The following SWT1 variants were observed in gnomAD, a reference collection of about 807,000 sequenced individuals.
The protein encoded by SWT1 is SWT1 RNA endoribonuclease homolog, also known as transcriptional protein SWT1.
In SWT1, 33 loss-of-function variants were observed where a neutral mutation model predicts 107.3. The observed-to-expected ratio is 0.31, with a 90% CI of 0.23 to 0.41. The LOEUF (loss-of-function observed/expected upper bound fraction) is 0.41, where lower values mean the gene tolerates loss of function less well. Among genes scored for constraint, SWT1 ranks in the 10% least tolerant of loss-of-function variants. SWT1 has a pLI of 1.00. For synonymous variants in SWT1, 345 were observed against 348.3 expected, an observed-to-expected ratio of 0.99 and a Z score of 0.11; for missense variants, 898 against 1,028.9, an observed-to-expected ratio of 0.87 and a Z score of 1.74.
chr1:185,162,825 G>A (rs960968987), intron 2 of SWT1, among the ~76,000 whole-genome samples: 2 of 151,784 alleles, frequency 1.3e-5, no homozygotes, highest in African/African-American at 2.4e-5. Context: ...CTAAAAAAAT[G>A]TGCATATGTT....
At chr1:185,274,113 A>G (rs1485854254) in intron 17 of SWT1, among the ~76,000 whole-genome samples, 1 of 152,080 alleles carries the variant, frequency 6.6e-6, no homozygotes, top group African/African-American at 2.4e-5. Flanking sequence ...TATTAGAAGA[A>G]AGTACCTAAC....
At chr1:185,283,117 C>T (rs921540362) in intron 18 of SWT1, among the ~76,000 whole-genome samples, 2 of 152,140 alleles carry the variant, frequency 1.3e-5, no homozygotes, top group Non-Finnish European at 2.9e-5. Flanking sequence ...GGGTATGCCA[C>T]CCTCCTGGCA....
chr1:185,263,266 A>G (rs1571655475), intron 16 of SWT1: 1 of 151,926 alleles, frequency 6.6e-6, no homozygotes, highest in Non-Finnish European at 1.5e-5. Context: ...CCCCATAACA[A>G]CAGCCAATAC....
At chr1:185,162,362 GA>G (rs1399039884) in intron 2 of SWT1, among the ~76,000 whole-genome samples, 2 of 152,094 alleles carry the variant, frequency 1.3e-5, no homozygotes, top group Non-Finnish European at 2.9e-5. Flanking sequence ...CCTTCTCCTC[GA>G]AACACTTTCA....
intron 8 of SWT1, 54 bp downstream of exon 8, chr1:185,184,398 T>A: frequency 9.5e-7 from 1 of 1,052,888 alleles, no homozygotes; most frequent in Non-Finnish European, 1.4e-6. Context: ...GTTGATATTT[T>A]ATATTAACAA....
chr1:185,159,595 C>T (rs1653962686), intron 1 of SWT1, among the ~76,000 whole-genome samples: 3 of 152,102 alleles, frequency 2.0e-5, no homozygotes, highest in South Asian at 2.1e-4. Context: ...GTTTTTAATA[C>T]GGCACACTCA....
chr1:185,182,579 T>C (rs1656105868), intron 7 of SWT1, among the ~76,000 whole-genome samples: 1 of 148,648 alleles, frequency 6.7e-6, no homozygotes, highest in Admixed American at 6.8e-5. Context: ...GTGGGAGGAT[T>C]GCTTGAGCCT....
At chr1:185,192,445 GTCT>G (rs1657033565) in intron 10 of SWT1, among the ~76,000 whole-genome samples, 2 of 152,180 alleles carry the variant, frequency 1.3e-5, no homozygotes, top group South Asian at 4.2e-4. Flanking sequence ...GTCCTGTGTG[GTCT>G]TCTTTAATTT....
intron 14 of SWT1, among the ~76,000 whole-genome samples, chr1:185,216,015 A>G (rs1216570704): frequency 6.6e-6 from 1 of 152,168 alleles, no homozygotes; most frequent in Non-Finnish European, 1.5e-5. Context: ...TTGATTTTTC[A>G]TAGTCAGATA....
At position 185,174,888 on chromosome 1, in the gene SWT1, T is replaced by C; in HGVS notation, c.741T>C (p.Leu247=). ...PIKSRDTLQK[L]VEENVFNIDS... is the part of the protein sequence containing the mutation. The stretch of plus-strand genomic sequence containing the variant: ...AATCCCGTGACACCCTCCAGAAACT[T>C]GTAGAAGAAAATGTCTTCAACATAG... The change falls in exon 5 of 19, where the codon CTT becomes CTC. Residue 247 remains leucine, a synonymous_variant. Transcript: ENST00000367500. The C allele has an allele frequency of 6.2e-7, 1 of 1,614,050 alleles. No homozygotes were observed. Among genetic ancestry groups the C allele is most frequent in the Non-Finnish European group, 8.5e-7 (1 of 1,179,996 alleles).
At chr1:185,236,353 A>C (rs958958235) in intron 16 of SWT1, among the ~76,000 whole-genome samples, 1 of 152,230 alleles carries the variant, frequency 6.6e-6, no homozygotes, top group African/African-American at 2.4e-5. Context: ...ACAGCATGGT[A>C]CTGGTACCAA....
chr1:185,239,285 A>G (rs1457888032), intron 16 of SWT1, among the ~76,000 whole-genome samples: 1 of 152,102 alleles, frequency 6.6e-6, no homozygotes, highest in African/African-American at 2.4e-5. Context: ...AGTGTATGAA[A>G]TGATGTATGT....
intron 16 of SWT1, among the ~76,000 whole-genome samples, chr1:185,258,626 GA>G (rs1475930052): frequency 1.3e-5 from 2 of 152,024 alleles, no homozygotes; most frequent in Non-Finnish European, 2.9e-5. Context: ...TAAGTAGTTT[GA>G]AAATATAATT....
rs75305563 is a variant in SWT1, at chr1:185,274,749, T to G, written c.2509-1855T>G. Among the ~76,000 whole-genome samples, 844 of 152,346 alleles carry G rather than the reference T, an allele frequency of 5.5e-3. 35 individuals carry two copies. In the East Asian group the frequency reaches 0.093, roughly 17 times the overall value. On this transcript the variant is annotated intron_variant, in intron 17 of 18. Transcript: ENST00000367500. Reference sequence around the variant, plus strand: ...TAATGTTTGCTGACAGTGGCATGTTTTAGCTATTTTTTTCCCCTGGAAATT... The same window carrying G: ...TAATGTTTGCTGACAGTGGCATGTTGTAGCTATTTTTTTCCCCTGGAAATT...
intron 18 of SWT1, among the ~76,000 whole-genome samples, chr1:185,281,987 A>G (rs1369694713): frequency 6.6e-6 from 1 of 152,204 alleles, no homozygotes; most frequent in Non-Finnish European, 1.5e-5. Flanking sequence ...GGATAGAGGG[A>G]CTGATCTTGT....
At chr1:185,244,551 C>G (rs1291291523) in intron 16 of SWT1, among the ~76,000 whole-genome samples, 3 of 152,036 alleles carry the variant, frequency 2.0e-5, no homozygotes, top group African/African-American at 4.8e-5. Flanking sequence ...AGTGGAAGTG[C>G]TCTGGGTGAG....
At chr1:185,257,843 T>A (rs912033268) in intron 16 of SWT1, 1 of 152,380 alleles carries the variant, frequency 6.6e-6, no homozygotes. Flanking sequence ...TGGTATATTG[T>A]ATTTGGACTA....
chr1:185,266,281 G>C (rs538198708), intron 16 of SWT1, among the ~76,000 whole-genome samples: 1 of 152,120 alleles, frequency 6.6e-6, no homozygotes, highest in South Asian at 2.1e-4. Flanking sequence ...AGCCAGGATG[G>C]TCTCGATCTC....
At chr1:185,218,980 A>G (rs764079212) in intron 14 of SWT1, among the ~76,000 whole-genome samples, 41 of 152,226 alleles carry the variant, frequency 2.7e-4, no homozygotes, top group Non-Finnish European at 2.9e-4. Context: ...TAGTATATAC[A>G]CTACTATTTA....
Sources: allele counts gnomAD v4.1 joint callset (sites outside exome capture counted in the v4.1 genomes callset), GRCh38; gene constraint gnomAD v4.1.1; transcripts MANE v1.5; gene names NCBI Gene and HGNC (gene_info 2026-07-23, HGNC 2026-07-21).